PHEX: variants seen among roughly 807,000 people sequenced by gnomAD.
PHEX encodes the protein phosphate regulating endopeptidase X-linked.
Under a neutral mutation model 68.0 loss-of-function variants are expected in PHEX, and 16 were observed. The ratio of observed to expected loss-of-function variants is 0.24; its 90% CI spans 0.16 to 0.36. The LOEUF (loss-of-function observed/expected upper bound fraction) is 0.36, where lower values mean the gene tolerates loss of function less well. Ranked by LOEUF, PHEX falls within the 10% of genes least tolerant of loss-of-function variation. The probability of loss-of-function intolerance (pLI) is 1.00; values close to 1 mark genes in which losing one functional copy is unlikely to be tolerated. For missense variants in PHEX, 480 were observed against 575.5 expected (o/e 0.83, Z 1.70); for synonymous variants, 208 against 205.1 (o/e 1.01, Z -0.12).
intron 15 of PHEX, among the ~76,000 whole-genome samples, chrX:22,202,199 TA>T (rs1372862590): frequency 8.9e-6 from 1 of 112,426 alleles, no homozygotes; most frequent in Non-Finnish European, 1.9e-5. Context: ...GTAACATGAA[TA>T]TTTTTTCCAT....
At chrX:22,081,842 CTA>C (rs1325776500) in intron 5 of PHEX, among the ~76,000 whole-genome samples, 1 of 111,930 alleles carries the variant, frequency 8.9e-6, no homozygotes, top group African/African-American at 3.2e-5. Context: ...TGGATTTATT[CTA>C]TGTCAGGAGA....
At chrX:22,041,608 G>A (rs952174000) in intron 2 of PHEX, among the ~76,000 whole-genome samples, 17 of 110,171 alleles carry the variant, frequency 1.5e-4, no homozygotes, top group Non-Finnish European at 3.2e-4. Context: ...GTTGACCTGA[G>A]GTTTTCTCCA....
At chrX:22,191,338 A>G (rs1324891637) in intron 15 of PHEX, among the ~76,000 whole-genome samples, 1 of 112,614 alleles carries the variant, frequency 8.9e-6, no homozygotes, top group Non-Finnish European at 1.9e-5. Context: ...TTAAAAAATT[A>G]TTAAGATCTG....
At chrX:22,231,274 T>C (rs768404901) in intron 20 of PHEX, among the ~76,000 whole-genome samples, 4 of 112,118 alleles carry the variant, frequency 3.6e-5, no homozygotes, top group East Asian at 2.8e-4. Context: ...ATCAGGATCA[T>C]GCTGGCCTCA....
intron 14 of PHEX, 73 bp downstream of exon 14, chrX:22,178,449 T>G: frequency 3.2e-6 from 2 of 627,042 alleles, no homozygotes; most frequent in Non-Finnish European, 5.1e-6. Flanking sequence ...GATTAAACTT[T>G]GTAATTCCCC....
chrX:22,137,240 A>G (rs1932270852), intron 12 of PHEX, among the ~76,000 whole-genome samples: 1 of 111,592 alleles, frequency 9.0e-6, no homozygotes, highest in South Asian at 3.8e-4. Context: ...TTGACTATAT[A>G]GCCAAAAAGC....
At chrX:22,038,271 A>C (rs1047976766) in intron 1 of PHEX, among the ~76,000 whole-genome samples, 198 bp from the exon 2 acceptor site, 6 of 111,575 alleles carry the variant, frequency 5.4e-5, no homozygotes, top group African/African-American at 2.0e-4. Flanking sequence ...GTTTCAAAGC[A>C]ACCAAGAGTC....
intron 15 of PHEX, among the ~76,000 whole-genome samples, chrX:22,209,744 G>GCTCCCTCTGCTCCCTCTGCTCCCTCTC (rs1934841591): frequency 1.5e-5 from 1 of 68,369 alleles, no homozygotes; most frequent in Non-Finnish European, 2.5e-5. Flanking sequence ...TGCTCCCTCT[G>GCTCCCTCTGCTCCCTCTGCTCCCTCTC]CTCCCTCTCC....
intron 15 of PHEX, among the ~76,000 whole-genome samples, chrX:22,208,304 G>C (rs888142001): frequency 9.0e-6 from 1 of 111,369 alleles, no homozygotes; most frequent in African/African-American, 3.3e-5. Context: ...GCTCACACTG[G>C]TAGGATAGTT....
chrX:22,079,917 C>T (rs1269554693), intron 5 of PHEX, among the ~76,000 whole-genome samples: 4 of 111,362 alleles, frequency 3.6e-5, no homozygotes, highest in Admixed American at 2.9e-4. Flanking sequence ...CAATTATCAT[C>T]AATGGCTGCT....
chrX:22,132,386 G>T (rs758181747), intron 11 of PHEX, among the ~76,000 whole-genome samples: 1 of 111,620 alleles, frequency 9.0e-6, no homozygotes, highest in South Asian at 3.8e-4. Flanking sequence ...GAGATTATAG[G>T]GGTGAGCCAC....
chrX:22,132,732 C>A (rs1932064837), intron 11 of PHEX, among the ~76,000 whole-genome samples: 1 of 111,710 alleles, frequency 9.0e-6, no homozygotes, highest in East Asian at 2.8e-4. Flanking sequence ...TTAGTTGGCA[C>A]CTTGATAAGG....
chrX:22,131,006 A>AT (rs991573782), intron 11 of PHEX, among the ~76,000 whole-genome samples: 3 of 110,474 alleles, frequency 2.7e-5, no homozygotes, highest in African/African-American at 9.9e-5. Context: ...ACGACGCAGG[A>AT]TTTTTTATTT....
chrX:22,195,225 C>T (rs764610632), intron 15 of PHEX, among the ~76,000 whole-genome samples: 3 of 111,883 alleles, frequency 2.7e-5, no homozygotes, highest in Non-Finnish European at 3.8e-5. Context: ...GGAATCCCTG[C>T]GATAACCATT....
chrX:22,041,992 A>G (rs1320575452), intron 2 of PHEX, among the ~76,000 whole-genome samples: 1 of 111,364 alleles, frequency 9.0e-6, no homozygotes, highest in Admixed American at 9.6e-5. Flanking sequence ...TCTGGAGTGA[A>G]AGGCTCACCA....
At chrX:22,231,388 A>C (rs1482025482) in intron 20 of PHEX, among the ~76,000 whole-genome samples, 7 of 111,651 alleles carry the variant, frequency 6.3e-5, no homozygotes, top group South Asian at 3.7e-4. Flanking sequence ...TCGGCTGTGA[A>C]TCTGTCTGGT....
chrX:22,093,930 C>A, intron 6 of PHEX, 53 bp from the exon 7 acceptor site: 1 of 762,404 alleles, frequency 1.3e-6, no homozygotes, highest in Non-Finnish European at 2.0e-6. Flanking sequence ...GTCTCTCAAA[C>A]ATATTTCCTA....
Position 22,076,384 on chromosome X carries a change from C to T in PHEX, c.350-4C>T, listed in dbSNP as rs901077990. The T allele has an allele frequency of 1.7e-6, 2 of 1,199,780 alleles. No individual in the cohort carries two copies. The highest frequency in any genetic ancestry group is 5.9e-5 in the East Asian group (2 of 33,716). ...ACTAATGAATCCTTTCTTAACCTTC[C>T]CAGAACTTTTGGAGAAATCAATCAG... On this transcript the variant is annotated splice_region_variant and splice_polypyrimidine_tract_variant and intron_variant, in intron 3 of 21. Transcript: ENST00000379374.
intron 20 of PHEX, among the ~76,000 whole-genome samples, chrX:22,234,124 C>T (rs1285730233): frequency 8.8e-6 from 1 of 113,043 alleles, no homozygotes; most frequent in Non-Finnish European, 1.9e-5. Flanking sequence ...GCAGAGGCTG[C>T]AGAACAGCAA....
Sources: gnomAD v4.1 joint callset for allele counts (sites outside exome capture counted in the v4.1 genomes callset) on GRCh38, gnomAD v4.1.1 for gene constraint, MANE v1.5 for transcripts, NCBI Gene and HGNC (gene_info 2026-07-23, HGNC 2026-07-21) for gene names.